Variants in EVL observed in about 807,000 individuals in gnomAD.
EVL encodes the protein Enah/Vasp-like.
Under a neutral mutation model 59.6 loss-of-function variants are expected in EVL, and 21 were observed. The observed-to-expected ratio is 0.35, with a 90% CI of 0.25 to 0.51. The LOEUF (loss-of-function observed/expected upper bound fraction) is 0.51, where lower values mean the gene tolerates loss of function less well. EVL is among the 20% of genes least tolerant of loss of function. EVL has a pLI of 0.97. For synonymous variants in EVL, 198 were observed against 203.5 expected, an observed-to-expected ratio of 0.97 and a Z score of 0.23; for missense variants, 462 against 546.6, an observed-to-expected ratio of 0.85 and a Z score of 1.54.
rs188400858 is a variant in EVL at position 100,090,321 on chromosome 14, C to T, written c.180+5466C>T. Among the ~76,000 whole-genome samples, 149 of 152,228 alleles carry T rather than the reference C, an allele frequency of 9.8e-4. 1 individual carries two copies. Among genetic ancestry groups the T allele is most frequent in the East Asian group, 5.8e-3 (30 of 5,178 alleles). The stretch of plus-strand genomic sequence containing the variant: ...GAATATCGTTAGTAATAACCTTGTG[C>T]CGGTAAACTTGACAGCTTAGATAAG... On this transcript the variant is annotated intron_variant, in intron 2 of 13. Transcript: ENST00000392920.
upstream of EVL, among the ~76,000 whole-genome samples, chr14:100,060,815 A>C (rs1004026268): frequency 2.6e-5 from 4 of 152,140 alleles, no homozygotes; most frequent in Non-Finnish European, 4.4e-5. Flanking sequence ...TAAACCCATC[A>C]AAGTCACACT....
intron 1 of EVL, among the ~76,000 whole-genome samples, chr14:100,010,119 G>A (rs1033313773): frequency 2.0e-5 from 3 of 152,140 alleles, no homozygotes; most frequent in African/African-American, 7.2e-5. Flanking sequence ...GAAAAGAGGG[G>A]GTTCTCTATA....
At chr14:99,982,888 T>A (rs1302097157) in intron 1 of EVL, among the ~76,000 whole-genome samples, 1 of 152,228 alleles carries the variant, frequency 6.6e-6, no homozygotes, top group Non-Finnish European at 1.5e-5. Flanking sequence ...CAGCTGACTT[T>A]TAGCAATTTA....
chr14:100,126,212 C>T (rs1436305955), intron 4 of EVL, among the ~76,000 whole-genome samples: 1 of 152,228 alleles, frequency 6.6e-6, no homozygotes, highest in East Asian at 1.9e-4. Flanking sequence ...CACCAAATGG[C>T]CCTCTAGACG....
At chr14:100,091,436 T>TC (rs1370567358) in intron 2 of EVL, among the ~76,000 whole-genome samples, 1 of 152,166 alleles carries the variant, frequency 6.6e-6, no homozygotes, top group Non-Finnish European at 1.5e-5. Flanking sequence ...CAATCACATT[T>TC]CTACACAGTG....
chr14:100,042,338 C>T (rs535879912), intron 1 of EVL, among the ~76,000 whole-genome samples: 1 of 152,270 alleles, frequency 6.6e-6, no homozygotes, highest in African/African-American at 2.4e-5. Context: ...CAGAGAATCT[C>T]GGTTACATTG....
chr14:100,100,808 AAT>A (rs1399559775), intron 3 of EVL, among the ~76,000 whole-genome samples: 21 of 151,598 alleles, frequency 1.4e-4, no homozygotes, highest in African/African-American at 4.1e-4. Context: ...AAAAAAAAAA[AAT>A]GGAAGTATGA....
In EVL at chr14:100,108,108, C is replaced by G. The variant is rs572604947; in HGVS notation, c.358+10450C>G. The stretch of plus-strand genomic sequence containing the variant: ...ATAAATGTTTTCCCAGTTTTTCAAC[C>G]TCTTATGTCCTTCATTGATGCCCAG... On this transcript the variant is annotated intron_variant, in intron 3 of 13. Coordinates refer to ENST00000392920, the MANE Select transcript of EVL (RefSeq NM_016337.3). The surrounding 1 kb of genome is among the most constrained non-coding windows in gnomAD (Gnocchi z 4.1). 3 of 152,116 alleles carry G rather than the reference C, an allele frequency of 2.0e-5. No homozygotes were observed. The highest frequency in any genetic ancestry group is 4.4e-5 in the Non-Finnish European group (3 of 68,038). The allele number at this position is 152,116 out of a possible 1,614,324, so 9.4% of individuals were successfully genotyped here. A position where few individuals can be genotyped will look rare whatever the true frequency, so the allele number is the denominator to read the frequency against.
intron 1 of EVL, among the ~76,000 whole-genome samples, chr14:100,054,355 C>T (rs2061694321): frequency 1.3e-5 from 2 of 152,098 alleles, no homozygotes; most frequent in East Asian, 1.9e-4. Flanking sequence ...GCCCGGCTGA[C>T]GTTTTGACAT....
intron 8 of EVL, 119 bp from the exon 9 acceptor site, chr14:100,135,786 A>G (rs1193685839): frequency 2.3e-6 from 2 of 869,080 alleles, no homozygotes; most frequent in Non-Finnish European, 3.7e-6. Context: ...GCTAATTATA[A>G]AAGTCATATG....
intron 1 of EVL, among the ~76,000 whole-genome samples, chr14:100,018,275 T>C (rs1184734385): frequency 1.3e-5 from 2 of 152,108 alleles, no homozygotes; most frequent in Non-Finnish European, 2.9e-5. Context: ...CGGCTCACAT[T>C]AGGGAGCAGC....
At chr14:100,135,663 C>T in intron 8 of EVL, 1 of 477,822 alleles carries the variant, frequency 2.1e-6, no homozygotes, top group East Asian at 3.8e-5. Flanking sequence ...TCTATATCAC[C>T]CTGCTGAGAG....
intron 1 of EVL, among the ~76,000 whole-genome samples, chr14:100,027,320 A>G (rs1432013750): frequency 6.6e-6 from 1 of 152,138 alleles, no homozygotes; most frequent in South Asian, 2.1e-4. Flanking sequence ...TTGTTGCCCT[A>G]TTGTACTACT....
At chr14:99,991,937 C>G (rs887640964) in intron 1 of EVL, among the ~76,000 whole-genome samples, 4 of 145,814 alleles carry the variant, frequency 2.7e-5, no homozygotes, top group Admixed American at 1.4e-4. Flanking sequence ...CACCCTAACC[C>G]CTGCATTGTT....
chr14:100,070,907 G>T (rs946177120), intron 1 of EVL, among the ~76,000 whole-genome samples: 6 of 152,216 alleles, frequency 3.9e-5, no homozygotes, highest in African/African-American at 1.2e-4. Flanking sequence ...GGTTTGAGTA[G>T]CCTTAACGTC....
intron 8 of EVL, chr14:100,134,902 G>T (rs1361998386): frequency 6.6e-6 from 1 of 152,216 alleles, no homozygotes; most frequent in Non-Finnish European, 1.5e-5. Flanking sequence ...GGGCCTGGGA[G>T]TGCTGCGGCC....
intron 1 of EVL, among the ~76,000 whole-genome samples, chr14:100,031,571 C>A (rs895373655): frequency 6.6e-6 from 1 of 152,150 alleles, no homozygotes. Context: ...CTTGTACAGA[C>A]TACAATGTTT....
At chr14:100,005,416 A>G (rs1434856114) in intron 1 of EVL, among the ~76,000 whole-genome samples, 18 of 152,182 alleles carry the variant, frequency 1.2e-4, no homozygotes, top group Admixed American at 1.1e-3. Context: ...CTGGGTTTAT[A>G]GTTTTGTAAC....
At chr14:100,100,973 G>A (rs535771485) in intron 3 of EVL, among the ~76,000 whole-genome samples, 1 of 152,182 alleles carries the variant, frequency 6.6e-6, no homozygotes, top group Admixed American at 6.5e-5. Context: ...ATTTTTATGT[G>A]TATGTATACT....
Sources: gnomAD v4.1 joint callset for allele counts (sites outside exome capture counted in the v4.1 genomes callset) on GRCh38, gnomAD v4.1.1 for gene constraint, Gnocchi (gnomAD v3.1) non-coding constraint, MANE v1.5 for transcripts, NCBI Gene and HGNC (gene_info 2026-07-23, HGNC 2026-07-21) for gene names.